The following TEX14 variants were observed in gnomAD, a reference collection of about 807,000 sequenced individuals.
The protein encoded by TEX14 is inactive serine/threonine-protein kinase TEX14.
Under a neutral mutation model 178.6 loss-of-function variants are expected in TEX14, and 168 were observed. That is an observed-to-expected ratio of 0.94 (90% confidence interval 0.83 to 1.07). The LOEUF (loss-of-function observed/expected upper bound fraction) is 1.07. Ranked by LOEUF, TEX14 falls within the 50% of genes least tolerant of loss-of-function variation. The pLI is 0.00. For synonymous variants in TEX14, 626 were observed against 634.1 expected (o/e 0.99, Z 0.19); for missense variants, 1,730 against 1,753.6 (o/e 0.99, Z 0.24).
At chr17:58,571,394 T>A (rs540043847) in intron 24 of TEX14, among the ~76,000 whole-genome samples, 3 of 151,832 alleles carry the variant, frequency 2.0e-5, no homozygotes, top group African/African-American at 7.2e-5. Context: ...TGGCACCATG[T>A]CCCAGCTAAT....
intron 1 of TEX14, among the ~76,000 whole-genome samples, chr17:58,659,558 G>T (rs971804362): frequency 5.3e-5 from 8 of 152,134 alleles, no homozygotes; most frequent in African/African-American, 1.9e-4. Context: ...GCTTCTGTAC[G>T]ATCTGACTGA....
intron 16 of TEX14, 94 bp from the exon 17 acceptor site, chr17:58,587,760 GCCCAT>G (rs2045013853): frequency 1.7e-6 from 2 of 1,155,400 alleles, no homozygotes; most frequent in East Asian, 4.7e-5. Flanking sequence ...AAGCCCACCA[GCCCAT>G]CCAGAGGACC....
At chr17:58,609,641 T>C (rs182355332) in intron 10 of TEX14, among the ~76,000 whole-genome samples, 146 of 152,256 alleles carry the variant, frequency 9.6e-4, no homozygotes, top group African/African-American at 3.5e-3. Context: ...AAGATAAAAT[T>C]CAGACTCCTC....
chr17:58,624,704 G>A (rs565438008), intron 3 of TEX14, among the ~76,000 whole-genome samples: 11 of 152,106 alleles, frequency 7.2e-5, no homozygotes, highest in Middle Eastern at 3.4e-3. Flanking sequence ...ACAAGCCATC[G>A]CTTCTTGGCC....
intron 19 of TEX14, among the ~76,000 whole-genome samples, chr17:58,582,661 C>T (rs149008437): frequency 1.3e-5 from 2 of 148,346 alleles, no homozygotes; most frequent in African/African-American, 5.0e-5. Context: ...CCTCTGGGGT[C>T]CCAGTGATTC....
chr17:58,614,830 C>T (rs2144525407), intron 8 of TEX14, among the ~76,000 whole-genome samples: 1 of 152,334 alleles, frequency 6.6e-6, no homozygotes, highest in Admixed American at 6.5e-5. Flanking sequence ...CAGACATGTC[C>T]TCAGACATCT....
intron 17 of TEX14, among the ~76,000 whole-genome samples, chr17:58,587,140 T>C (rs889553354): frequency 6.6e-6 from 1 of 152,248 alleles, no homozygotes; most frequent in African/African-American, 2.4e-5. Context: ...AGTATGGTGA[T>C]GTATTTGTGA....
At chr17:58,631,832 G>C (rs149786842) in intron 2 of TEX14, 5 of 152,090 alleles carry the variant, frequency 3.3e-5, no homozygotes, top group East Asian at 1.9e-4. Context: ...TCAAAATATA[G>C]TCTTAATGTC....
Position 58,593,661 on chromosome 17 carries a change from G to T in TEX14, c.2470C>A (p.Leu824Met), listed in dbSNP as rs767404693. 1 of 1,613,302 alleles carries T rather than the reference G, an allele frequency of 6.2e-7. No homozygotes were observed. Among genetic ancestry groups the T allele is most frequent in the Non-Finnish European group, 8.5e-7 (1 of 1,179,332 alleles). The change falls in exon 15 of 32, where the codon CTG (leucine) becomes ATG (methionine). Residue 824 changes from leucine to methionine, a missense_variant and splice_region_variant. Leu to Met is a conservative substitution (Grantham distance 15, BLOSUM62 2). Coordinates refer to ENST00000349033, the MANE Select transcript of TEX14 (RefSeq NM_031272.5). ...TTTCCAGGGTCACAAAGAGTCGGCAGCTTAAAAAGCAATAAACATGTTTCA... is the reference window on the plus strand; with the variant it reads ...TTTCCAGGGTCACAAAGAGTCGGCATCTTAAAAAGCAATAAACATGTTTCA... Reference protein sequence around the residue: ...YPTLPRFPRMLPTLCDPGKQN... With the variant: ...YPTLPRFPRMMPTLCDPGKQN...
At chr17:58,616,363 C>A in intron 6 of TEX14, 58 bp from the exon 7 acceptor site, 2 of 1,579,508 alleles carry the variant, frequency 1.3e-6, no homozygotes, top group Non-Finnish European at 1.7e-6. Flanking sequence ...CAGAATACAT[C>A]CAGAATCTTA....
intron 19 of TEX14, 62 bp downstream of exon 19, chr17:58,584,438 A>T: frequency 8.1e-7 from 1 of 1,229,298 alleles, no homozygotes; most frequent in Non-Finnish European, 1.2e-6. Flanking sequence ...ACATAACAAT[A>T]ACTCAGTTCT....
At chr17:58,633,707 G>A (rs2046371055) in intron 2 of TEX14, among the ~76,000 whole-genome samples, 4 of 152,262 alleles carry the variant, frequency 2.6e-5, no homozygotes, top group Admixed American at 2.0e-4. Context: ...AGTGGCTCAC[G>A]CCTGTAATCC....
chr17:58,606,679 C>T (rs988240153), intron 10 of TEX14, among the ~76,000 whole-genome samples: 2 of 150,330 alleles, frequency 1.3e-5, no homozygotes, highest in African/African-American at 4.9e-5. Flanking sequence ...GGTTGCAGTG[C>T]GCCAAGACTG....
rs184786723 is a variant in TEX14, at chr17:58,571,952, G to A, written c.3686C>T (p.Ser1229Phe). ...AGTCAGTCTTGAAGGGGGAGTTTCA[G>A]AGGAAGTAAGGAGAGAATCCAGTTT... ...AKKLDSLLTS[S>F]ETPPSRLTGL... The change falls in exon 24 of 32, where the codon TCT becomes TTT. Residue 1229 changes from serine (S) to phenylalanine (F), a missense_variant. This residue lies in a region of TEX14 where 941 missense variants were observed against 1,072.4 expected (regional missense o/e 0.88). Coordinates refer to ENST00000349033, the MANE Select transcript of TEX14 (RefSeq NM_031272.5). 23 of 1,614,178 alleles carry A rather than the reference G, an allele frequency of 1.4e-5. No homozygotes were observed. The East Asian group carries it at 4.7e-4, about 33-fold the overall frequency.
Position 58,625,386 on chromosome 17 carries a change from C to T in TEX14, c.252-2374G>A, listed in dbSNP as rs149876046. ...CTGACCTCAGGTGATCTGCCCGCCT[C>T]ATCCTCCCAAAGTGCTGGGATTACA... On this transcript the variant is annotated intron_variant, in intron 3 of 31. Transcript: ENST00000349033. Among the ~76,000 whole-genome samples the T allele has an allele frequency of 2.8e-4, 42 of 152,302 alleles. No individual in the cohort carries two copies. The East Asian group carries it at 8.1e-3, about 29-fold the overall frequency.
At chr17:58,660,866 A>T in intron 1 of TEX14, 1 of 795,568 alleles carries the variant, frequency 1.3e-6, no homozygotes, top group South Asian at 1.3e-5. Flanking sequence ...AGTGAGAATG[A>T]AGGGTTTCAT....
chr17:58,637,226 C>G (rs531448066), intron 2 of TEX14, among the ~76,000 whole-genome samples: 1 of 152,080 alleles, frequency 6.6e-6, no homozygotes, highest in African/African-American at 2.4e-5. Context: ...GTCTCAAAAA[C>G]AAAAAACAAA....
At chr17:58,631,767 A>C (rs887319605) in intron 2 of TEX14, 1 of 152,084 alleles carries the variant, frequency 6.6e-6, no homozygotes, top group African/African-American at 2.4e-5. Flanking sequence ...CGCGGTTTCC[A>C]GCGTTCTACA....
chr17:58,611,431 T>A (rs2045745073), intron 9 of TEX14, 92 bp from the exon 10 acceptor site: 1 of 902,390 alleles, frequency 1.1e-6, no homozygotes, highest in Non-Finnish European at 1.7e-6. Flanking sequence ...TTCCATATGA[T>A]CCTCATGGTT....
Sources: allele counts gnomAD v4.1 joint callset (sites outside exome capture counted in the v4.1 genomes callset), GRCh38; gene constraint gnomAD v4.1.1; regional missense constraint gnomAD v4.1.1; transcripts MANE v1.5; gene names NCBI Gene and HGNC (gene_info 2026-07-23, HGNC 2026-07-21).